Variants in NEGR1 observed in about 807,000 individuals in gnomAD.
NEGR1 encodes the protein neuronal growth regulator 1.
A neutral mutation model predicts 40.9 loss-of-function variants in NEGR1; 10 were observed. That is an observed-to-expected ratio of 0.24 (90% CI 0.15 to 0.42). The LOEUF (loss-of-function observed/expected upper bound fraction) is 0.42. NEGR1 is among the 10% of genes least tolerant of loss of function. The pLI is 1.00. For missense variants in NEGR1, 352 were observed against 438.9 expected (o/e 0.80, Z 1.77); for synonymous variants, 185 against 166.8 (o/e 1.11, Z -0.84).
At chr1:72,231,836 G>C (rs1016340901) in intron 1 of NEGR1, among the ~76,000 whole-genome samples, 3 of 152,126 alleles carry the variant, frequency 2.0e-5, no homozygotes, top group Non-Finnish European at 2.9e-5. Flanking sequence ...GAATAGGGTA[G>C]AGCTTCACAA....
chr1:71,963,901 T>C (rs1203308340), intron 1 of NEGR1, among the ~76,000 whole-genome samples: 1 of 152,136 alleles, frequency 6.6e-6, no homozygotes, highest in Non-Finnish European at 1.5e-5. Context: ...AAACTATACA[T>C]TGTAAATCTC....
chr1:71,739,074 G>A (rs1557633989), intron 3 of NEGR1, among the ~76,000 whole-genome samples: 1 of 151,882 alleles, frequency 6.6e-6, no homozygotes, highest in Non-Finnish European at 1.5e-5. Context: ...TCCTGGGTGT[G>A]TGTGTAAGCC....
chr1:71,808,504 C>T (rs1657862543), intron 2 of NEGR1, among the ~76,000 whole-genome samples: 2 of 152,070 alleles, frequency 1.3e-5, no homozygotes, highest in African/African-American at 4.8e-5. Context: ...GTTAGGGAGC[C>T]TGTCAGTCAC....
intron 2 of NEGR1, among the ~76,000 whole-genome samples, chr1:71,928,494 A>T (rs1645821432): frequency 7.3e-6 from 1 of 137,268 alleles, no homozygotes; most frequent in Non-Finnish European, 1.6e-5. Flanking sequence ...ATGTATATAT[A>T]CACATATGTA....
chr1:71,800,776 C>G (rs147240643), intron 2 of NEGR1, among the ~76,000 whole-genome samples: 62 of 152,218 alleles, frequency 4.1e-4, no homozygotes, highest in African/African-American at 1.4e-3. Flanking sequence ...CTCCCATTCT[C>G]TCCCACATCA....
chr1:72,144,033 T>C (rs1042890624), intron 1 of NEGR1, among the ~76,000 whole-genome samples: 2 of 147,478 alleles, frequency 1.4e-5, no homozygotes, highest in African/African-American at 2.5e-5. Flanking sequence ...AATTATATTA[T>C]TGATGAAGAA....
intron 2 of NEGR1, among the ~76,000 whole-genome samples, chr1:71,821,178 T>C (rs752670328): frequency 2.6e-5 from 4 of 151,974 alleles, no homozygotes; most frequent in Non-Finnish European, 5.9e-5. Context: ...TGCTATAATA[T>C]AGTCTAAAGA....
chr1:71,997,239 C>A (rs1036726606), intron 1 of NEGR1, among the ~76,000 whole-genome samples: 1 of 152,004 alleles, frequency 6.6e-6, no homozygotes, highest in Non-Finnish European at 1.5e-5. Flanking sequence ...TAAGTCAATT[C>A]TTAAGATACT....
intron 2 of NEGR1, among the ~76,000 whole-genome samples, chr1:71,910,195 A>G (rs1661387195): frequency 6.6e-6 from 1 of 152,208 alleles, no homozygotes; most frequent in Non-Finnish European, 1.5e-5. Context: ...AACACATGCT[A>G]GATGTTGGCG....
At chr1:72,112,676 G>C (rs966201084) in intron 1 of NEGR1, among the ~76,000 whole-genome samples, 1 of 130,074 alleles carries the variant, frequency 7.7e-6, no homozygotes, top group African/African-American at 2.5e-5. Context: ...CCCTAGACTG[G>C]AGGGAGGGGG....
intron 1 of NEGR1, among the ~76,000 whole-genome samples, chr1:72,146,000 T>C (rs967799998): frequency 2.7e-4 from 17 of 63,684 alleles, no homozygotes; most frequent in Non-Finnish European, 8.9e-5. Context: ...GAGTTTCCTC[T>C]GTTTTCACAT....
intron 4 of NEGR1, among the ~76,000 whole-genome samples, chr1:71,696,707 A>G (rs1405638865): frequency 6.6e-6 from 1 of 151,852 alleles, no homozygotes; most frequent in Non-Finnish European, 1.5e-5. Context: ...GCTCTCTGCA[A>G]TAAGAGTCCT....
At chr1:71,896,944 A>G (rs1660990624) in intron 2 of NEGR1, among the ~76,000 whole-genome samples, 1 of 152,178 alleles carries the variant, frequency 6.6e-6, no homozygotes, top group African/African-American at 2.4e-5. Flanking sequence ...GAGGCCAAGT[A>G]ACTGGCTAAA....
chr1:72,251,432 G>A (rs1655084275), intron 1 of NEGR1, among the ~76,000 whole-genome samples: 1 of 151,988 alleles, frequency 6.6e-6, no homozygotes, highest in Non-Finnish European at 1.5e-5. Flanking sequence ...ACCACATAAA[G>A]GACAAACACA....
chr1:72,184,467 AG>A (rs1652536856), intron 1 of NEGR1, among the ~76,000 whole-genome samples: 1 of 152,092 alleles, frequency 6.6e-6, no homozygotes, highest in South Asian at 2.1e-4. Context: ...GAACTAAGAG[AG>A]AGTATAATGA....
chr1:72,109,055 A>G (rs1304561975), intron 1 of NEGR1, among the ~76,000 whole-genome samples: 5 of 151,654 alleles, frequency 3.3e-5, no homozygotes, highest in Non-Finnish European at 7.4e-5. Context: ...GTGTAATTCT[A>G]TTACCTTAAT....
intron 1 of NEGR1, among the ~76,000 whole-genome samples, chr1:71,950,898 T>C (rs1227412317): frequency 6.6e-6 from 1 of 151,962 alleles, no homozygotes; most frequent in African/African-American, 2.4e-5. Context: ...TTTCTGTCTC[T>C]CTACTTGGAC....
intron 3 of NEGR1, among the ~76,000 whole-genome samples, chr1:71,711,863 TATAA>T (rs1484777290): frequency 3.3e-5 from 5 of 152,246 alleles, no homozygotes; most frequent in African/African-American, 1.2e-4. Context: ...TTTCAAAATC[TATAA>T]ATACATATTT....
At chr1:71,460,685 T>C (rs1646708444) in intron 6 of NEGR1, among the ~76,000 whole-genome samples, 6 of 152,144 alleles carry the variant, frequency 3.9e-5, no homozygotes, top group Admixed American at 1.3e-4. Flanking sequence ...TAATGAACTC[T>C]CAGGTAGGTT....
Sources: allele counts gnomAD v4.1 joint callset (sites outside exome capture counted in the v4.1 genomes callset), GRCh38; gene constraint gnomAD v4.1.1; transcripts MANE v1.5; gene names NCBI Gene and HGNC (gene_info 2026-07-23, HGNC 2026-07-21).